HOMER1: variants seen among roughly 807,000 people sequenced by gnomAD.
HOMER1 encodes homer scaffold protein 1.
Under a neutral mutation model 48.9 loss-of-function variants are expected in HOMER1, and 3 were observed. The observed-to-expected ratio is 0.06, with a 90% CI of 0.03 to 0.16. HOMER1 has a LOEUF of 0.16. Among genes scored for constraint, HOMER1 ranks in the 10% least tolerant of loss-of-function variants. The probability of loss-of-function intolerance (pLI) is 1.00; values close to 1 mark genes in which losing one functional copy is unlikely to be tolerated. For synonymous variants in HOMER1, 134 were observed against 146.4 expected, an observed-to-expected ratio of 0.92 and a Z score of 0.61; for missense variants, 247 against 411.4, an observed-to-expected ratio of 0.60 and a Z score of 3.46.
intron 5 of HOMER1, among the ~76,000 whole-genome samples, chr5:79,421,482 G>T (rs548822487): frequency 9.2e-5 from 14 of 152,134 alleles, no homozygotes; most frequent in African/African-American, 3.1e-4. Context: ...GTTTACTATG[G>T]CCTATAATCA....
chr5:79,447,278 C>G (rs1342313085), intron 3 of HOMER1, 133 bp from the exon 4 acceptor site: 2 of 605,244 alleles, frequency 3.3e-6, no homozygotes, highest in Non-Finnish European at 5.9e-6. Flanking sequence ...CCAATTATAG[C>G]TTCTAATATG....
At position 79,414,402 on chromosome 5, in the gene HOMER1, C is replaced by T. The variant is rs868720890; in HGVS notation, c.528-12347G>A. 2.0e-5 allele frequency among the ~76,000 whole-genome samples: 3 copies of T among 149,274 alleles called. No individual in the cohort carries two copies. The South Asian group carries it at 6.4e-4, about 32-fold the overall frequency. ...TCGCCTGGCCTGTTATTTTTAGAGA[C>T]AGGATCTCCCTCTGTTGCCCAGGCT... On this transcript the variant is annotated intron_variant, in intron 5 of 8. Transcript: ENST00000334082.
chr5:79,485,933 C>T (rs1401856232), intron 1 of HOMER1, among the ~76,000 whole-genome samples: 1 of 152,122 alleles, frequency 6.6e-6, no homozygotes, highest in African/African-American at 2.4e-5. Flanking sequence ...GCCTTTGTGA[C>T]TGCCTGAACC....
In HOMER1 at chr5:79,374,287, G is replaced by A. The variant is rs935452576; in HGVS notation, c.*1722C>T. ...ATATCCTAAAATAGATGGAGGTAAC[G>A]TACATGATGTTACAGCACATATAAT... is the stretch of plus-strand genomic sequence containing the variant. On this transcript the variant is annotated 3_prime_UTR_variant, in exon 9 of 9. Coordinates refer to ENST00000334082, the MANE Select transcript of HOMER1 (RefSeq NM_004272.5). The A allele has an allele frequency of 1.3e-5, 2 of 152,330 alleles. No homozygotes were observed. The highest frequency in any genetic ancestry group is 4.8e-5 in the African/African-American group (2 of 41,410). 9.4% of individuals were successfully genotyped at this position (152,330 alleles called of 1,614,324 possible). A position where few individuals can be genotyped will look rare whatever the true frequency, so the allele number is the denominator to read the frequency against.
intron 5 of HOMER1, among the ~76,000 whole-genome samples, chr5:79,431,800 C>T (rs1280725896): frequency 6.6e-5 from 10 of 152,178 alleles, no homozygotes; most frequent in Non-Finnish European, 1.3e-4. Flanking sequence ...ACATTTGACA[C>T]ATTCTACAAG....
At chr5:79,475,946 T>C (rs1298481022) in intron 1 of HOMER1, among the ~76,000 whole-genome samples, 1 of 152,178 alleles carries the variant, frequency 6.6e-6, no homozygotes, top group Non-Finnish European at 1.5e-5. Flanking sequence ...ACTATCCCAC[T>C]GTCAATAAAA....
chr5:79,404,825 T>C (rs879560338), intron 5 of HOMER1, among the ~76,000 whole-genome samples: 1 of 151,376 alleles, frequency 6.6e-6, no homozygotes, highest in Non-Finnish European at 1.5e-5. Context: ...TGCCTCAGCC[T>C]CCCAAGTAGC....
chr5:79,459,119 C>T (rs1359291209), intron 1 of HOMER1, among the ~76,000 whole-genome samples: 4 of 151,924 alleles, frequency 2.6e-5, no homozygotes, highest in African/African-American at 9.7e-5. Context: ...TTGTTGTTTT[C>T]ATTTGGTAGG....
intron 8 of HOMER1, among the ~76,000 whole-genome samples, chr5:79,396,395 T>A (rs1259378446): frequency 6.6e-6 from 1 of 152,034 alleles, no homozygotes; most frequent in African/African-American, 2.4e-5. Context: ...TCTCTCTTTC[T>A]TTTTATTAAG....
At chr5:79,503,717 T>G (rs1456492140) in intron 1 of HOMER1, among the ~76,000 whole-genome samples, 1 of 123,562 alleles carries the variant, frequency 8.1e-6, no homozygotes, top group Non-Finnish European at 1.6e-5. Flanking sequence ...TCAGCAAGAC[T>G]CTGCCTCCAA....
At chr5:79,510,742 G>GTCTC (rs1752918091) in intron 1 of HOMER1, 1 of 773,906 alleles carries the variant, frequency 1.3e-6, no homozygotes, top group Non-Finnish European at 2.3e-6. Flanking sequence ...CCCCAAGCTT[G>GTCTC]GGAAGCATGC....
At chr5:79,427,000 A>G (rs1466962450) in intron 5 of HOMER1, among the ~76,000 whole-genome samples, 1 of 152,210 alleles carries the variant, frequency 6.6e-6, no homozygotes, top group Non-Finnish European at 1.5e-5. Context: ...CACTTTGTAC[A>G]TACAGCAGCC....
At chr5:79,500,506 T>C (rs1021803385) in intron 1 of HOMER1, among the ~76,000 whole-genome samples, 1 of 152,218 alleles carries the variant, frequency 6.6e-6, no homozygotes, top group Non-Finnish European at 1.5e-5. Flanking sequence ...TTAATGCAGA[T>C]GCTTCTGTCA....
At chr5:79,505,609 C>G in intron 1 of HOMER1, among the ~76,000 whole-genome samples, 1 of 152,186 alleles carries the variant, frequency 6.6e-6, no homozygotes, top group East Asian at 1.9e-4. Flanking sequence ...TATGAAAGAA[C>G]ATTAAAATAA....
chr5:79,429,558 TCA>T (rs1185443889), intron 5 of HOMER1, among the ~76,000 whole-genome samples: 4 of 152,104 alleles, frequency 2.6e-5, no homozygotes, highest in Admixed American at 1.3e-4. Context: ...GACCTCTATC[TCA>T]CATCATATAT....
rs769770258 is a variant in HOMER1 at position 79,373,018 on chromosome 5, A to G, written c.*2991T>C. On this transcript the variant is annotated 3_prime_UTR_variant, in exon 9 of 9. Coordinates refer to ENST00000334082, the MANE Select transcript of HOMER1 (RefSeq NM_004272.5). ...CAAGGAGAGATGCAACTTCGTGAGCATGTTTTAGTCTGCAGAAAGAAAGTG... is the reference window on the plus strand; with the variant it reads ...CAAGGAGAGATGCAACTTCGTGAGCGTGTTTTAGTCTGCAGAAAGAAAGTG... 6.6e-6 allele frequency: 1 copy of G among 152,140 alleles called. No homozygotes were observed. The highest frequency in any genetic ancestry group is 2.4e-5 in the African/African-American group (1 of 41,458). 9.4% of individuals were successfully genotyped at this position (152,140 alleles called of 1,614,324 possible).
chr5:79,466,918 A>C (rs1259678685), intron 1 of HOMER1, among the ~76,000 whole-genome samples: 1 of 151,928 alleles, frequency 6.6e-6, no homozygotes, highest in Non-Finnish European at 1.5e-5. Flanking sequence ...CAGCCTCCCA[A>C]GTAGCTAGGA....
chr5:79,406,494 C>G (rs996599691), intron 5 of HOMER1, among the ~76,000 whole-genome samples: 1 of 152,146 alleles, frequency 6.6e-6, no homozygotes, highest in African/African-American at 2.4e-5. Context: ...AGACTTCTAT[C>G]AGGTTCTCAG....
intron 3 of HOMER1, among the ~76,000 whole-genome samples, chr5:79,450,201 CAG>C (rs1388204472): frequency 6.6e-6 from 1 of 152,142 alleles, no homozygotes; most frequent in Non-Finnish European, 1.5e-5. Context: ...ATGCTTCAAA[CAG>C]AGGTTTTAAG....
Sources: allele counts gnomAD v4.1 joint callset (sites outside exome capture counted in the v4.1 genomes callset), GRCh38; gene constraint gnomAD v4.1.1; transcripts MANE v1.5; gene names NCBI Gene and HGNC (gene_info 2026-07-23, HGNC 2026-07-21).